The following CFAP263 variants were observed in gnomAD, a reference collection of about 807,000 sequenced individuals.
CFAP263 encodes cilia- and flagella-associated protein 263.
chr16:58,263,629 C>A, the CFAP263 span, among the ~76,000 whole-genome samples: 1 of 152,138 alleles, frequency 6.6e-6, no homozygotes, highest in Non-Finnish European at 1.5e-5. Flanking sequence ...GTCTTTAGAC[C>A]AAGTTTATGT....
chr16:58,282,009 A>AT, the CFAP263 span: 103,408 of 131,118 alleles, frequency 0.79, 41,170 homozygotes, highest in African/African-American at 0.87. Flanking sequence ...TGCCCAGCTA[A>AT]TTTTTTTTTT....
chr16:58,282,724 A>G, the CFAP263 span: 5,778 of 152,344 alleles, frequency 0.038, 159 homozygotes, highest in East Asian at 0.08. Context: ...GCACCTCACT[A>G]TGTCTGCCTA....
At chr16:58,250,609 A>G in the CFAP263 span, among the ~76,000 whole-genome samples, 385 of 152,208 alleles carry the variant, frequency 2.5e-3, 2 homozygotes, top group African/African-American at 8.3e-3. Context: ...TACTAAAGAT[A>G]CAAAAATTAG....
the CFAP263 span, among the ~76,000 whole-genome samples, chr16:58,278,144 T>C: frequency 6.6e-6 from 1 of 151,984 alleles, no homozygotes; most frequent in Non-Finnish European, 1.5e-5. Flanking sequence ...GATCAAAGTA[T>C]ACTTAAATAC....
chr16:58,279,845 C>A, the CFAP263 span: 1 of 1,245,004 alleles, frequency 8.0e-7, no homozygotes, highest in Non-Finnish European at 1.2e-6. Context: ...TTTCTAGTCA[C>A]GGGCTCCTCT....
the CFAP263 span, chr16:58,281,672 G>C: frequency 6.6e-6 from 1 of 152,270 alleles, no homozygotes; most frequent in African/African-American, 2.4e-5. Flanking sequence ...CTGGCTGGAA[G>C]GCCCAGGCAA....
the CFAP263 span, among the ~76,000 whole-genome samples, chr16:58,270,475 T>TA: frequency 1.6e-3 from 230 of 144,660 alleles, no homozygotes; most frequent in Middle Eastern, 3.6e-3. Flanking sequence ...TATCTTAAAG[T>TA]AAAAAAAAAA....
At chr16:58,262,384 G>A in the CFAP263 span, 3 of 1,604,286 alleles carry the variant, frequency 1.9e-6, no homozygotes, top group Admixed American at 1.7e-5. Flanking sequence ...CTGAGCTGTA[G>A]AAGGAAGAGG....
the CFAP263 span, among the ~76,000 whole-genome samples, chr16:58,251,899 T>TAAAAA: frequency 6.6e-6 from 1 of 152,264 alleles, no homozygotes. Flanking sequence ...GTTATAACCT[T>TAAAAA]GGCATATACA....
chr16:58,259,004 A>AATAAATAAATAAATAT, the CFAP263 span, among the ~76,000 whole-genome samples: 18 of 151,276 alleles, frequency 1.2e-4, no homozygotes, highest in African/African-American at 3.9e-4. Context: ...TAAATAAATA[A>AATAAATAAATAAATAT]ATAAATAAAT....
the CFAP263 span, chr16:58,278,485 C>G: frequency 1.9e-6 from 3 of 1,613,710 alleles, no homozygotes; most frequent in Non-Finnish European, 1.7e-6. Context: ...AACCCAGGAC[C>G]GGGCCAAAGC....
the CFAP263 span, among the ~76,000 whole-genome samples, chr16:58,277,106 G>T: frequency 6.6e-4 from 100 of 151,990 alleles, no homozygotes; most frequent in South Asian, 1.3e-3. Context: ...TAAAGTAAAA[G>T]TTAAAAGGAT....
chr16:58,269,467 A>T, the CFAP263 span, among the ~76,000 whole-genome samples: 21 of 152,182 alleles, frequency 1.4e-4, no homozygotes, highest in South Asian at 3.7e-3. Context: ...AGAAAAGAAA[A>T]GATCCTTCTC....
At chr16:58,253,036 G>C in the CFAP263 span, among the ~76,000 whole-genome samples, 1 of 152,104 alleles carries the variant, frequency 6.6e-6, no homozygotes, top group African/African-American at 2.4e-5. Context: ...AAAGAAACTG[G>C]GTTCAGTTAA....
chr16:58,252,848 G>A, the CFAP263 span: 8 of 1,613,732 alleles, frequency 5.0e-6, no homozygotes, highest in Non-Finnish European at 6.8e-6. Context: ...AGCAGATTAT[G>A]CACAGGTACA....
chr16:58,262,791 A>ATAGATAGATAGATAGATAGATAGG, the CFAP263 span, among the ~76,000 whole-genome samples: 20 of 152,190 alleles, frequency 1.3e-4, no homozygotes, highest in African/African-American at 3.4e-4. Context: ...AGATAGATAG[A>ATAGATAGATAGATAGATAGATAGG]TAGATAGATA....
the CFAP263 span, chr16:58,259,854 G>T: frequency 2.7e-5 from 42 of 1,548,960 alleles, no homozygotes; most frequent in Non-Finnish European, 3.6e-5. Context: ...TATGTTTTAG[G>T]ATAATATGAA....
At chr16:58,267,636 A>G in the CFAP263 span, 4 of 1,173,370 alleles carry the variant, frequency 3.4e-6, no homozygotes, top group Non-Finnish European at 5.1e-6. Flanking sequence ...CCTTGTGTTT[A>G]TAAGGGCTTG....
chr16:58,256,851 T>G, the CFAP263 span, among the ~76,000 whole-genome samples: 1 of 151,988 alleles, frequency 6.6e-6, no homozygotes, highest in Non-Finnish European at 1.5e-5. Context: ...TGTGTGTGTG[T>G]GTGTTCTTAT....
Sources: allele counts gnomAD v4.1 joint callset (sites outside exome capture counted in the v4.1 genomes callset), GRCh38; gene constraint gnomAD v4.1.1; transcripts MANE v1.5; gene names NCBI Gene and HGNC (gene_info 2026-07-23, HGNC 2026-07-21).